Variants in PPM1H observed in about 807,000 individuals in gnomAD.
The protein encoded by PPM1H is protein phosphatase 1H.
PPM1H carries 27 observed loss-of-function variants against 54.9 expected under a neutral mutation model. That is an observed-to-expected ratio of 0.49 (90% CI 0.36 to 0.68). The LOEUF (loss-of-function observed/expected upper bound fraction) is 0.68, where lower values mean the gene tolerates loss of function less well. Ranked by LOEUF, PPM1H falls within the 30% of genes least tolerant of loss-of-function variation. The probability of loss-of-function intolerance (pLI) is 0.00; values close to 1 mark genes in which losing one functional copy is unlikely to be tolerated. For missense variants in PPM1H, 596 were observed against 667.8 expected, an observed-to-expected ratio of 0.89 and a Z score of 1.19; for synonymous variants, 305 against 270.8, an observed-to-expected ratio of 1.13 and a Z score of -1.24.
At chr12:62,855,339 G>A (rs186376742) in intron 1 of PPM1H, among the ~76,000 whole-genome samples, 3 of 152,176 alleles carry the variant, frequency 2.0e-5, no homozygotes, top group East Asian at 3.9e-4. Flanking sequence ...CAGACAGTAC[G>A]TCCAACAAAC....
At chr12:62,889,391 G>C (rs1870703996) in intron 1 of PPM1H, among the ~76,000 whole-genome samples, 1 of 152,144 alleles carries the variant, frequency 6.6e-6, no homozygotes, top group East Asian at 1.9e-4. Flanking sequence ...ACTGTGGTGT[G>C]TACTTGCTAT....
At chr12:62,670,228 C>T (rs1204225219) in intron 8 of PPM1H, among the ~76,000 whole-genome samples, 2 of 151,976 alleles carry the variant, frequency 1.3e-5, no homozygotes, top group African/African-American at 4.8e-5. Flanking sequence ...CCACCCACCT[C>T]GGCCTCCCAA....
intron 5 of PPM1H, among the ~76,000 whole-genome samples, chr12:62,721,195 G>A (rs2076261820): frequency 6.6e-6 from 1 of 152,196 alleles, no homozygotes; most frequent in Admixed American, 6.5e-5. Context: ...CTCAGTGTAT[G>A]GGTCATAGGC....
At chr12:62,811,332 C>T (rs959803097) in intron 2 of PPM1H, among the ~76,000 whole-genome samples, 5 of 152,150 alleles carry the variant, frequency 3.3e-5, no homozygotes, top group Admixed American at 6.5e-5. Flanking sequence ...GGCAAAAACA[C>T]TAGAAGTAAT....
chr12:62,803,862 A>T (rs1182456126), intron 2 of PPM1H, among the ~76,000 whole-genome samples: 11 of 152,240 alleles, frequency 7.2e-5, no homozygotes, highest in Non-Finnish European at 1.5e-4. Flanking sequence ...ATTGCAAACA[A>T]AACAAAACAA....
At chr12:62,799,434 T>TGCA (rs1450036977) in intron 3 of PPM1H, among the ~76,000 whole-genome samples, 1 of 152,224 alleles carries the variant, frequency 6.6e-6, no homozygotes, top group Non-Finnish European at 1.5e-5. Context: ...ACTTCTACCA[T>TGCA]GCAAACTGAA....
In PPM1H at chr12:62,752,472, T is replaced by C. The variant is rs1393319411; in HGVS notation, c.870-14886A>G. On this transcript the variant is annotated intron_variant, in intron 4 of 9. Transcript: ENST00000228705. ...GATTTCTCATTGTCATTTCCATTCA[T>C]GTGTTCAGATCCCCCCAACATTCCA... 2.6e-5 allele frequency among the ~76,000 whole-genome samples: 4 copies of C among 152,208 alleles called. No individual in the cohort carries two copies. The East Asian group carries it at 5.8e-4, about 22-fold the overall frequency.
At chr12:62,756,326 A>C (rs1407916165) in intron 4 of PPM1H, 7 of 510,978 alleles carry the variant, frequency 1.4e-5, no homozygotes, top group Non-Finnish European at 2.2e-5. Flanking sequence ...CCCCCACAAC[A>C]CTGAGAATCT....
chr12:62,855,203 C>T (rs1302004395), intron 1 of PPM1H, among the ~76,000 whole-genome samples: 2 of 152,170 alleles, frequency 1.3e-5, no homozygotes, highest in African/African-American at 4.8e-5. Flanking sequence ...AGTTTTCCCA[C>T]CCTCTCGCTT....
In PPM1H at chr12:62,838,728, TGGCTAA is replaced by T. The variant is rs1868596471; in HGVS notation, c.246-6455_246-6450del. Among the ~76,000 whole-genome samples the T allele has an allele frequency of 1.9e-5, 2 of 105,670 alleles. 1 individual carries two copies. The highest frequency in any genetic ancestry group is 3.9e-5 in the Non-Finnish European group (2 of 51,594). 69.3% of individuals were successfully genotyped at this position (105,670 alleles called of 152,430 possible). A position where few individuals can be genotyped will look rare whatever the true frequency, so the allele number is the denominator to read the frequency against. ...CGAGGTCAGGAGATCGAGACCATCC[TGGCTAA>T]CACGGTGAAACCCCGTCTCTACTAA... On this transcript the variant is annotated intron_variant, in intron 1 of 9. Coordinates refer to ENST00000228705, the MANE Select transcript of PPM1H (RefSeq NM_020700.2).
chr12:62,844,370 C>T lies in PPM1H; in HGVS notation c.246-12091G>A, dbSNP rs1868874823. Reference sequence around the variant, plus strand: ...TGAGGAGAAATAATGTTCTGAGGGGCAAGGGGGGCGTCTTATCTCTGATGC... The same window carrying T: ...TGAGGAGAAATAATGTTCTGAGGGGTAAGGGGGGCGTCTTATCTCTGATGC... On this transcript the variant is annotated intron_variant, in intron 1 of 9. Transcript: ENST00000228705. The surrounding 1 kb of genome is among the most constrained non-coding windows in gnomAD (Gnocchi z 5.2). 1.3e-5 allele frequency among the ~76,000 whole-genome samples: 2 copies of T among 152,048 alleles called. 1 individual carries two copies. Among genetic ancestry groups the T allele is most frequent in the South Asian group, 4.1e-4 (2 of 4,824 alleles).
At chr12:62,842,845 A>G (rs80018045) in intron 1 of PPM1H, among the ~76,000 whole-genome samples, 2,709 of 152,250 alleles carry the variant, frequency 0.018, 92 homozygotes, top group African/African-American at 0.062. Flanking sequence ...AGCTTTTAAG[A>G]GCAGAGAGAC....
At chr12:62,870,262 C>T (rs947122445) in intron 1 of PPM1H, among the ~76,000 whole-genome samples, 6 of 152,202 alleles carry the variant, frequency 3.9e-5, no homozygotes, top group African/African-American at 7.2e-5. Context: ...TCGAATTTGA[C>T]GAAATTGTGC....
At chr12:62,832,770 A>G (rs531583701) in intron 1 of PPM1H, among the ~76,000 whole-genome samples, 1 of 152,316 alleles carries the variant, frequency 6.6e-6, no homozygotes, top group East Asian at 1.9e-4. Context: ...ATATTTCACT[A>G]CGGCCATACC....
At chr12:62,729,385 G>A (rs2076307570) in intron 5 of PPM1H, among the ~76,000 whole-genome samples, 2 of 152,210 alleles carry the variant, frequency 1.3e-5, no homozygotes, top group African/African-American at 2.4e-5. Flanking sequence ...GGAGGCAGGA[G>A]TGCAGACATT....
In PPM1H at chr12:62,803,619, A is replaced by G. The variant is rs758845781; in HGVS notation, c.412-1459T>C. On this transcript the variant is annotated intron_variant, in intron 2 of 9. Coordinates refer to ENST00000228705, the MANE Select transcript of PPM1H (RefSeq NM_020700.2). The stretch of plus-strand genomic sequence containing the variant: ...CTAGAAAAAAACATGGGGGAAAAAA[A>G]CTCCTTGATATTGGTCTTGGCAATG... Among the ~76,000 whole-genome samples, 141 of 152,256 alleles carry G rather than the reference A, an allele frequency of 9.3e-4. 1 individual carries two copies. The highest frequency in any genetic ancestry group is 1.6e-3 in the Non-Finnish European group (112 of 68,030).
intron 1 of PPM1H, among the ~76,000 whole-genome samples, chr12:62,931,299 T>C (rs193236024): frequency 6.6e-6 from 1 of 152,326 alleles, no homozygotes; most frequent in East Asian, 1.9e-4. Flanking sequence ...TCTTCCTACC[T>C]ATTCAACCCC....
intron 6 of PPM1H, among the ~76,000 whole-genome samples, chr12:62,717,209 T>TTTTCAAACAAAGTCCAAC (rs2076239671): frequency 6.6e-6 from 1 of 152,220 alleles, no homozygotes; most frequent in South Asian, 2.1e-4. Context: ...TTAAGTCCTA[T>TTTTCAAACAAAGTCCAAC]TTTCAAATCA....
intron 9 of PPM1H, among the ~76,000 whole-genome samples, chr12:62,663,252 A>G (rs1372393104): frequency 6.6e-6 from 1 of 152,096 alleles, no homozygotes. Context: ...AATCACCTGC[A>G]TGGTTTGTTA....
Sources: gnomAD v4.1 joint callset for allele counts (sites outside exome capture counted in the v4.1 genomes callset) on GRCh38, gnomAD v4.1.1 for gene constraint, Gnocchi (gnomAD v3.1) non-coding constraint, MANE v1.5 for transcripts, NCBI Gene and HGNC (gene_info 2026-07-23, HGNC 2026-07-21) for gene names.